The following DCAF6 variants were observed in gnomAD, a reference collection of about 807,000 sequenced individuals.
The protein encoded by DCAF6 is DDB1 and CUL4 associated factor 6, also known as DDB1- and CUL4-associated factor 6.
Under a neutral mutation model 125.1 loss-of-function variants are expected in DCAF6, and 54 were observed. That is an observed-to-expected ratio of 0.43 (90% CI 0.35 to 0.54). The LOEUF (loss-of-function observed/expected upper bound fraction) is 0.54. DCAF6 is among the 20% of genes least tolerant of loss of function. The pLI is 0.01. For synonymous variants in DCAF6, 371 were observed against 390.4 expected (o/e 0.95, Z 0.58); for missense variants, 934 against 1,161.7 (o/e 0.80, Z 2.85).
At chr1:167,883,715 C>T in the DCAF6 span, 69 of 1,242,252 alleles carry the variant, frequency 5.6e-5, no homozygotes, top group Admixed American at 4.2e-4. Context: ...CCGAAATCAT[C>T]TAGGGAATGT....
At chr1:167,917,802 T>C in the DCAF6 span, 3 of 152,326 alleles carry the variant, frequency 2.0e-5, no homozygotes. Context: ...AATCTGTAGC[T>C]GTAAAAGAAT....
At chr1:168,008,802 A>G (rs947067453) in intron 10 of DCAF6, among the ~76,000 whole-genome samples, 19 of 151,072 alleles carry the variant, frequency 1.3e-4, no homozygotes, top group African/African-American at 1.9e-4. Context: ...TCTTTCGGTT[A>G]TCAGAGAATT....
intron 2 of DCAF6, among the ~76,000 whole-genome samples, chr1:167,957,683 T>C (rs1051226046): frequency 6.6e-6 from 1 of 152,140 alleles, no homozygotes; most frequent in Non-Finnish European, 1.5e-5. Context: ...TAAACTGATA[T>C]CTCACTTTTT....
At chr1:167,973,769 A>T (rs572640573) in intron 3 of DCAF6, among the ~76,000 whole-genome samples, 1 of 151,874 alleles carries the variant, frequency 6.6e-6, no homozygotes, top group Non-Finnish European at 1.5e-5. Context: ...TCTCTATTGT[A>T]TATCTGTTAT....
At chr1:167,980,916 CT>C (rs71100920) in intron 4 of DCAF6, among the ~76,000 whole-genome samples, 11,501 of 113,392 alleles carry the variant, frequency 0.1, 232 homozygotes, top group African/African-American at 0.14. Flanking sequence ...TCTGAATTTT[CT>C]TTTTTTTTTT....
At chr1:167,942,832 A>G (rs897029046) in intron 1 of DCAF6, among the ~76,000 whole-genome samples, 100 of 152,220 alleles carry the variant, frequency 6.6e-4, no homozygotes, top group Non-Finnish European at 1.2e-4. Context: ...GTTTAAGTCA[A>G]TTTCCTAGCC....
chr1:167,977,208 GT>G lies in DCAF6; in HGVS notation c.438+2211del, dbSNP rs532923328. 4.8e-3 allele frequency among the ~76,000 whole-genome samples: 606 copies of G among 127,144 alleles called. 1 individual carries two copies. Among genetic ancestry groups the G allele is most frequent in the African/African-American group, 0.012 (412 of 35,216 alleles). 83.4% of individuals were successfully genotyped at this position (127,144 alleles called of 152,430 possible). On this transcript the variant is annotated intron_variant, in intron 4 of 21. Coordinates refer to ENST00000367840, the MANE Select transcript of DCAF6 (RefSeq NM_001198956.2). ...CATGAACCACCGTGCCTGGGCCACA[GT>G]TTTTTTTTTTTTTTTTTACATGAGA...
the DCAF6 span, among the ~76,000 whole-genome samples, chr1:167,912,145 A>C: frequency 6.6e-6 from 1 of 152,228 alleles, no homozygotes; most frequent in African/African-American, 2.4e-5. Flanking sequence ...TGTAATTATA[A>C]TTTATTATGA....
the DCAF6 span, chr1:167,920,592 C>T: frequency 3.2e-5 from 51 of 1,613,960 alleles, no homozygotes; most frequent in Non-Finnish European, 4.2e-5. Context: ...AGTTTTTCTG[C>T]AGGTCTGGCC....
the DCAF6 span, among the ~76,000 whole-genome samples, chr1:167,867,468 C>T: frequency 2.2e-4 from 33 of 152,300 alleles, no homozygotes; most frequent in African/African-American, 7.5e-4. Flanking sequence ...AAGATTGCTA[C>T]AGTCCTATTA....
intron 17 of DCAF6, among the ~76,000 whole-genome samples, chr1:168,059,089 C>G (rs1691266742): frequency 6.6e-6 from 1 of 151,898 alleles, no homozygotes; most frequent in Admixed American, 6.6e-5. Flanking sequence ...ATGCTTGTCA[C>G]TTTCTTTTAT....
chr1:167,924,917 T>C, the DCAF6 span, among the ~76,000 whole-genome samples: 1 of 152,184 alleles, frequency 6.6e-6, no homozygotes, highest in Non-Finnish European at 1.5e-5. Context: ...TTTTTGTGCA[T>C]TTTGGCTGAA....
rs1558022698 is a variant in DCAF6, at chr1:168,044,999, C to T, written c.2030C>T (p.Ala677Val). The change falls in exon 16 of 22, where the codon GCT (alanine) becomes GTT (valine). Residue 677 changes from alanine to valine, a missense_variant. Physicochemically the swap from Ala to Val is moderately conservative, Grantham distance 64. Around this residue, in one of 5 missense-constraint regions of DCAF6, gnomAD observed 559 missense variants for 635.5 expected, o/e 0.88. Transcript: ENST00000367840. ...TCTTGTGGGGTTCCAGAAGAATCTG[C>T]TTCATCTGAAAAAGCCAAGGAACCA... ...DRSCGVPEES[A>V]SSEKAKEPET... 4 of 1,614,000 alleles carry T rather than the reference C, an allele frequency of 2.5e-6. No homozygotes were observed. The highest frequency in any genetic ancestry group is 3.4e-6 in the Non-Finnish European group (4 of 1,179,992).
At chr1:167,915,523 TCACTGCAACCTC>T in the DCAF6 span, among the ~76,000 whole-genome samples, 1 of 152,212 alleles carries the variant, frequency 6.6e-6, no homozygotes, top group African/African-American at 2.4e-5. Context: ...TGATCTCAGC[TCACTGCAACCTC>T]CACCTCCCTG....
At chr1:168,036,113 G>C (rs1312961302) in intron 12 of DCAF6, among the ~76,000 whole-genome samples, 1 of 152,074 alleles carries the variant, frequency 6.6e-6, no homozygotes, top group African/African-American at 2.4e-5. Context: ...AGATACTGTA[G>C]GAAGAAAGTT....
chr1:167,900,170 T>G, the DCAF6 span, among the ~76,000 whole-genome samples: 4 of 152,242 alleles, frequency 2.6e-5, no homozygotes, highest in Admixed American at 2.6e-4. Flanking sequence ...TTGTATAATA[T>G]GACATGTACA....
chr1:168,051,231 T>C (rs1422555734), intron 17 of DCAF6, among the ~76,000 whole-genome samples: 1 of 152,246 alleles, frequency 6.6e-6, no homozygotes, highest in African/African-American at 2.4e-5. Flanking sequence ...GTTACTCTTT[T>C]TGGATATTTT....
the DCAF6 span, among the ~76,000 whole-genome samples, chr1:167,874,221 C>G: frequency 1.3e-5 from 2 of 152,138 alleles, no homozygotes; most frequent in Admixed American, 1.3e-4. Context: ...ATCCCAGCTA[C>G]TCAGGAGGCT....
At chr1:167,920,012 G>A in the DCAF6 span, 2 of 1,613,164 alleles carry the variant, frequency 1.2e-6, no homozygotes, top group Non-Finnish European at 1.7e-6. Flanking sequence ...GGCTCCTGCT[G>A]CCCCCACAAA....
Sources: gnomAD v4.1 joint callset for allele counts (sites outside exome capture counted in the v4.1 genomes callset) on GRCh38, gnomAD v4.1.1 for gene constraint, gnomAD v4.1.1 regional missense constraint, MANE v1.5 for transcripts, NCBI Gene and HGNC (gene_info 2026-07-23, HGNC 2026-07-21) for gene names.